The following LHPP variants were observed in gnomAD, a reference collection of about 807,000 sequenced individuals.
LHPP encodes hLHPP.
In LHPP, 24 loss-of-function variants were observed where a neutral mutation model predicts 30.3. That is an observed-to-expected ratio of 0.79 (90% CI 0.57 to 1.11). The LOEUF is 1.11. LHPP is among the 50% of genes most tolerant of loss of function. The probability of loss-of-function intolerance (pLI) is 0.00; values close to 1 mark genes in which losing one functional copy is unlikely to be tolerated. For synonymous variants in LHPP, 150 were observed against 157.1 expected, an observed-to-expected ratio of 0.95 and a Z score of 0.34; for missense variants, 356 against 367.2, an observed-to-expected ratio of 0.97 and a Z score of 0.25.
At chr10:124,464,474 G>C (rs928965439) in intron 1 of LHPP, among the ~76,000 whole-genome samples, 1 of 152,230 alleles carries the variant, frequency 6.6e-6, no homozygotes, top group South Asian at 2.1e-4. Flanking sequence ...TGGGAACAGG[G>C]AGACTTGGCT....
At chr10:124,585,089 T>C (rs571000999) in intron 6 of LHPP, among the ~76,000 whole-genome samples, 17 of 152,270 alleles carry the variant, frequency 1.1e-4, no homozygotes, top group African/African-American at 3.6e-4. Context: ...AAAAAATATA[T>C]ATAGAGAGAA....
At chr10:124,530,206 G>A (rs968187161) in intron 6 of LHPP, among the ~76,000 whole-genome samples, 8 of 152,064 alleles carry the variant, frequency 5.3e-5, no homozygotes, top group African/African-American at 1.9e-4. Context: ...CCTGCCTGCC[G>A]CCTCCTGCCT....
At chr10:124,477,180 G>T (rs936727550) in intron 1 of LHPP, among the ~76,000 whole-genome samples, 5 of 152,186 alleles carry the variant, frequency 3.3e-5, no homozygotes, top group Non-Finnish European at 5.9e-5. Flanking sequence ...TCCAGCCTGG[G>T]CAACGGAGTG....
At chr10:124,595,925 C>T (rs1589704501) in intron 6 of LHPP, among the ~76,000 whole-genome samples, 1 of 152,182 alleles carries the variant, frequency 6.6e-6, no homozygotes, top group Admixed American at 6.5e-5. Flanking sequence ...GGAGCACCTC[C>T]AATACCCAAG....
At chr10:124,515,141 G>C (rs896152732) in intron 5 of LHPP, among the ~76,000 whole-genome samples, 1 of 152,150 alleles carries the variant, frequency 6.6e-6, no homozygotes, top group Non-Finnish European at 1.5e-5. Context: ...TGTACATCAG[G>C]CCGCTTGAAG....
intron 3 of LHPP, among the ~76,000 whole-genome samples, chr10:124,493,391 G>A (rs1039568236): frequency 1.3e-5 from 2 of 152,190 alleles, no homozygotes; most frequent in Non-Finnish European, 2.9e-5. Flanking sequence ...GCGGGACACA[G>A]GGGCACAGGC....
intron 6 of LHPP, among the ~76,000 whole-genome samples, chr10:124,552,829 A>G (rs1312133689): frequency 2.0e-5 from 3 of 152,238 alleles, no homozygotes; most frequent in African/African-American, 7.2e-5. Flanking sequence ...ACTAATTTAT[A>G]TGCTATACGT....
At chr10:124,465,742 T>C (rs1374103123) in intron 1 of LHPP, among the ~76,000 whole-genome samples, 5 of 152,206 alleles carry the variant, frequency 3.3e-5, no homozygotes, top group Non-Finnish European at 7.3e-5. Flanking sequence ...TTGGTATTTT[T>C]AGTAGAGGCA....
intron 6 of LHPP, among the ~76,000 whole-genome samples, chr10:124,540,400 G>A (rs1210503880): frequency 6.6e-6 from 1 of 152,208 alleles, no homozygotes; most frequent in Non-Finnish European, 1.5e-5. Flanking sequence ...TAGGGCCAGG[G>A]GGGCTGCGCA....
rs1232786706 is a variant in LHPP, at chr10:124,510,609, G to A, written c.625-6571G>A. Among the ~76,000 whole-genome samples, 2 of 152,252 alleles carry A rather than the reference G, an allele frequency of 1.3e-5. No individual in the cohort carries two copies. The highest frequency in any genetic ancestry group is 4.8e-5 in the African/African-American group (2 of 41,466). On this transcript the variant is annotated intron_variant, in intron 5 of 6. Transcript: ENST00000368842. This position sits in a 1 kb window ranked among gnomAD's most constrained non-coding sequence, Gnocchi z 4.0. ...GAAGAACCAAGTCTGTATTCTGGGAGGGAAACCTGTGTGCTGTCTGGTTTT... is the reference window on the plus strand; with the variant it reads ...GAAGAACCAAGTCTGTATTCTGGGAAGGAAACCTGTGTGCTGTCTGGTTTT...
chr10:124,514,538 CCAA>C (rs1488370129), intron 5 of LHPP, among the ~76,000 whole-genome samples: 6 of 152,172 alleles, frequency 3.9e-5, no homozygotes, highest in Admixed American at 3.9e-4. Context: ...TGCATTGTTT[CCAA>C]CAAGAAATCT....
chr10:124,599,333 C>T (rs1948993378), intron 6 of LHPP, among the ~76,000 whole-genome samples: 2 of 152,264 alleles, frequency 1.3e-5, no homozygotes, highest in South Asian at 4.1e-4. Flanking sequence ...CCACGACCTG[C>T]ACCATCTCGG....
At chr10:124,468,919 A>G (rs1952642011) in intron 1 of LHPP, among the ~76,000 whole-genome samples, 1 of 152,208 alleles carries the variant, frequency 6.6e-6, no homozygotes. Flanking sequence ...CCCCTCCAGG[A>G]AAGTGTGCCT....
At chr10:124,483,523 A>C (rs1953207598) in intron 1 of LHPP, among the ~76,000 whole-genome samples, 1 of 152,174 alleles carries the variant, frequency 6.6e-6, no homozygotes, top group South Asian at 2.1e-4. Flanking sequence ...CTGTAATCCC[A>C]GCACTTTGGG....
intron 1 of LHPP, among the ~76,000 whole-genome samples, chr10:124,467,519 CTT>C (rs112628606): frequency 1.5e-4 from 20 of 136,534 alleles, no homozygotes; most frequent in Admixed American, 2.2e-4. Flanking sequence ...TTTTCTTTTT[CTT>C]TTTTTTTTTT....
At chr10:124,562,887 A>G (rs548883141) in intron 6 of LHPP, among the ~76,000 whole-genome samples, 1 of 151,994 alleles carries the variant, frequency 6.6e-6, no homozygotes, top group Admixed American at 6.6e-5. Context: ...AGCCGAGATC[A>G]TGCCACTGCA....
chr10:124,476,530 G>A (rs867982028), intron 1 of LHPP, among the ~76,000 whole-genome samples: 23 of 152,240 alleles, frequency 1.5e-4, no homozygotes, highest in African/African-American at 4.8e-4. Flanking sequence ...CCTGGTGCGC[G>A]CGCCAGGGTG....
chr10:124,609,101 C>T (rs11245315), intron 6 of LHPP, among the ~76,000 whole-genome samples: 42,714 of 152,150 alleles, frequency 0.28, 6,190 homozygotes, highest in African/African-American at 0.29. Flanking sequence ...GGGGCCGAAT[C>T]GTTACCACTT....
chr10:124,500,157 C>T (rs1732355025), intron 5 of LHPP, among the ~76,000 whole-genome samples: 1 of 151,890 alleles, frequency 6.6e-6, no homozygotes, highest in South Asian at 2.1e-4. Context: ...TTCCTTTCTT[C>T]TATCCTCTTT....
Sources: gnomAD v4.1 joint callset for allele counts (sites outside exome capture counted in the v4.1 genomes callset) on GRCh38, gnomAD v4.1.1 for gene constraint, Gnocchi (gnomAD v3.1) non-coding constraint, MANE v1.5 for transcripts, NCBI Gene and HGNC (gene_info 2026-07-23, HGNC 2026-07-21) for gene names.